Variants in CSGALNACT1 observed in about 807,000 individuals in gnomAD.
CSGALNACT1 encodes beta4GalNAcT-1.
In CSGALNACT1, 52 loss-of-function variants were observed where a neutral mutation model predicts 51.0. The ratio of observed to expected loss-of-function variants is 1.02; its 90% CI spans 0.82 to 1.29. The LOEUF (loss-of-function observed/expected upper bound fraction) is 1.29. Ranked by LOEUF, CSGALNACT1 falls within the 50% of genes most tolerant of loss-of-function variation. The pLI is 0.00. For synonymous variants in CSGALNACT1, 341 were observed against 254.4 expected, an observed-to-expected ratio of 1.34 and a Z score of -3.24; for missense variants, 935 against 679.2, an observed-to-expected ratio of 1.38 and a Z score of -4.19.
At chr8:19,422,785 A>AC (rs1340132256) in intron 6 of CSGALNACT1, among the ~76,000 whole-genome samples, 1 of 151,878 alleles carries the variant, frequency 6.6e-6, no homozygotes, top group Non-Finnish European at 1.5e-5. Context: ...AGGTCAACCC[A>AC]TTTTTCCCTT....
At chr8:19,429,315 T>A (rs927321832) in intron 6 of CSGALNACT1, among the ~76,000 whole-genome samples, 39 of 152,084 alleles carry the variant, frequency 2.6e-4, no homozygotes, top group African/African-American at 9.4e-4. Context: ...TACCTGGGAT[T>A]ACAGGTGTGA....
chr8:19,454,002 T>G (rs973371719), intron 5 of CSGALNACT1, among the ~76,000 whole-genome samples: 3 of 152,130 alleles, frequency 2.0e-5, no homozygotes, highest in Non-Finnish European at 2.9e-5. Context: ...GATTAAAGAC[T>G]AATGAAGGAA....
chr8:19,743,071 A>G (rs184253711), intron 1 of CSGALNACT1, among the ~76,000 whole-genome samples: 8 of 152,326 alleles, frequency 5.3e-5, no homozygotes, highest in South Asian at 2.1e-4. Context: ...ACAACTCACA[A>G]TAAACTCTCA....
chr8:19,644,696 C>CA (rs1564336510), intron 1 of CSGALNACT1, among the ~76,000 whole-genome samples: 1 of 115,884 alleles, frequency 8.6e-6, no homozygotes. Flanking sequence ...GGTAACAGAG[C>CA]GAGACTCCGT....
intron 3 of CSGALNACT1, among the ~76,000 whole-genome samples, chr8:19,524,319 T>G (rs1403169383): frequency 4.6e-5 from 7 of 152,136 alleles, no homozygotes; most frequent in Non-Finnish European, 8.8e-5. Context: ...AATTAAGATT[T>G]TCCATTCCCA....
intron 8 of CSGALNACT1, 87 bp downstream of exon 7, chr8:19,418,569 A>C: frequency 4.6e-6 from 4 of 868,898 alleles, no homozygotes; most frequent in South Asian, 4.1e-5. Context: ...ACAGATTTCT[A>C]CTCACCTTTG....
intron 1 of CSGALNACT1, among the ~76,000 whole-genome samples, chr8:19,630,950 G>A (rs1000596906): frequency 2.0e-5 from 3 of 152,026 alleles, no homozygotes; most frequent in East Asian, 1.9e-4. Context: ...TACAACTGAC[G>A]AGCCAATATT....
At chr8:19,547,155 C>T (rs1007930790) in intron 3 of CSGALNACT1, among the ~76,000 whole-genome samples, 7 of 152,140 alleles carry the variant, frequency 4.6e-5, no homozygotes, top group Non-Finnish European at 8.8e-5. Context: ...CTCCATGATG[C>T]CACAGGACAA....
chr8:19,643,605 T>C lies in CSGALNACT1; in HGVS notation c.-544+38868A>G, dbSNP rs955007875. Among the ~76,000 whole-genome samples, 7 of 150,054 alleles carry C rather than the reference T, an allele frequency of 4.7e-5. No homozygotes were observed. In the South Asian group the frequency reaches 1.5e-3, roughly 32 times the overall value. On this transcript the variant is annotated intron_variant, in intron 1 of 9. Transcript: ENST00000332246. ...GTAAGCCAAGACTGCACCACTGCAC[T>C]CCAGCCTGGACAAGAGAGTGAGACA...
In CSGALNACT1 at chr8:19,507,528, GAAAAA is replaced by G. The variant is rs35759799; in HGVS notation, c.-296-1403_-296-1399del. On this transcript the variant is annotated intron_variant, in intron 3 of 9. Coordinates refer to ENST00000454498, the Ensembl canonical transcript of CSGALNACT1. ...TGTCTTCCCCTACCCATCTTAGCCA[GAAAAA>G]AAAAAAAAAAAAAAAAAAAGAATGA... 3.6e-4 allele frequency among the ~76,000 whole-genome samples: 27 copies of G among 74,880 alleles called. 1 individual carries two copies. Among genetic ancestry groups the G allele is most frequent in the Admixed American group, 1.2e-3 (7 of 6,032 alleles). 49.1% of individuals were successfully genotyped at this position (74,880 alleles called of 152,430 possible).
intron 1 of CSGALNACT1, among the ~76,000 whole-genome samples, chr8:19,653,992 A>C (rs2058052317): frequency 6.6e-6 from 1 of 152,108 alleles, no homozygotes; most frequent in South Asian, 2.1e-4. Context: ...GTTCACAGAA[A>C]GCAAATCCCA....
rs1402583294 is a variant in CSGALNACT1 at position 19,678,647 on chromosome 8, G to C, written c.-544+3826C>G. The C allele has an allele frequency of 2.0e-5, 3 of 152,190 alleles. No individual in the cohort carries two copies. The East Asian group carries it at 5.8e-4, about 29-fold the overall frequency. The allele number at this position is 152,190 out of a possible 1,614,324, so 9.4% of individuals were successfully genotyped here. A position where few individuals can be genotyped will look rare whatever the true frequency, so the allele number is the denominator to read the frequency against. Reference sequence around the variant, plus strand: ...GGTGGGACCTCAAGGCAGCAGAGTGGAATCACAACTAGATCCTGCAATGTA... The same window carrying C: ...GGTGGGACCTCAAGGCAGCAGAGTGCAATCACAACTAGATCCTGCAATGTA... On this transcript the variant is annotated intron_variant, in intron 1 of 9. Transcript: ENST00000332246.
chr8:19,667,080 A>AAAGAAAGG (rs2059432469), intron 1 of CSGALNACT1, among the ~76,000 whole-genome samples: 3 of 126,922 alleles, frequency 2.4e-5, no homozygotes, highest in African/African-American at 8.8e-5. Context: ...AGAAAGAAAG[A>AAAGAAAGG]AAGAAAGAAA....
At chr8:19,684,815 G>A (rs563468396), upstream of CSGALNACT1, among the ~76,000 whole-genome samples, 1 of 152,298 alleles carries the variant, frequency 6.6e-6, no homozygotes, top group South Asian at 2.1e-4. Flanking sequence ...AATCTCCAAA[G>A]TGTCAGTCAT....
At chr8:19,670,255 C>T (rs566902393) in intron 1 of CSGALNACT1, among the ~76,000 whole-genome samples, 1 of 152,148 alleles carries the variant, frequency 6.6e-6, no homozygotes, top group East Asian at 1.9e-4. Context: ...GTGCCCATTG[C>T]AGTACCTTAT....
chr8:19,446,798 G>A (rs945934063), intron 5 of CSGALNACT1, among the ~76,000 whole-genome samples: 2 of 152,148 alleles, frequency 1.3e-5, no homozygotes, highest in Admixed American at 6.5e-5. Flanking sequence ...AAAGGTGTGA[G>A]CCGCCATGTC....
chr8:19,584,718 T>C (rs1455772230), intron 3 of CSGALNACT1, among the ~76,000 whole-genome samples: 1 of 152,238 alleles, frequency 6.6e-6, no homozygotes, highest in Non-Finnish European at 1.5e-5. Context: ...TGTCCTAGAA[T>C]GACTGCTGAC....
intron 6 of CSGALNACT1, among the ~76,000 whole-genome samples, chr8:19,432,807 T>C (rs117511038): frequency 1.1e-4 from 16 of 152,308 alleles, no homozygotes; most frequent in Non-Finnish European, 2.1e-4. Flanking sequence ...CTTGTTGATA[T>C]TCTGTATTTA....
At chr8:19,498,700 C>A (rs2075902551) in intron 4 of CSGALNACT1, among the ~76,000 whole-genome samples, 1 of 152,202 alleles carries the variant, frequency 6.6e-6, no homozygotes, top group Non-Finnish European at 1.5e-5. Context: ...GCCTTTCCTG[C>A]CCACTCCAGA....
Sources: gnomAD v4.1 joint callset for allele counts (sites outside exome capture counted in the v4.1 genomes callset) on GRCh38, gnomAD v4.1.1 for gene constraint, MANE v1.5 for transcripts, NCBI Gene and HGNC (gene_info 2026-07-23, HGNC 2026-07-21) for gene names.